CTDP1: variants seen among roughly 807,000 people sequenced by gnomAD.
The protein encoded by CTDP1 is RNA polymerase II subunit A C-terminal domain phosphatase.
A neutral mutation model predicts 91.8 loss-of-function variants in CTDP1; 47 were observed. That is an observed-to-expected ratio of 0.51 (90% CI 0.41 to 0.65). The LOEUF (loss-of-function observed/expected upper bound fraction) is 0.65. CTDP1 is among the 30% of genes least tolerant of loss of function. The pLI is 0.00. For missense variants in CTDP1, 1,272 were observed against 1,373.7 expected (o/e 0.93, Z 1.17); for synonymous variants, 656 against 598.5 (o/e 1.10, Z -1.40).
At chr18:79,711,588 C>T (rs1361563683) in intron 6 of CTDP1, among the ~76,000 whole-genome samples, 2 of 152,208 alleles carry the variant, frequency 1.3e-5, no homozygotes, top group Non-Finnish European at 2.9e-5. Flanking sequence ...ACTGGTTTAG[C>T]GGCAGTTCTT....
At chr18:79,704,696 G>A in intron 4 of CTDP1, 71 bp from the exon 5 acceptor site, 1 of 1,587,390 alleles carries the variant, frequency 6.3e-7, no homozygotes. Context: ...CCTGTCTCGG[G>A]CACACAGGTT....
At chr18:79,739,772 C>T (rs146585806) in intron 12 of CTDP1, among the ~76,000 whole-genome samples, 3 of 149,538 alleles carry the variant, frequency 2.0e-5, no homozygotes, top group African/African-American at 5.1e-5. Flanking sequence ...TCATACCCGC[C>T]GCCAGGACGG....
At chr18:79,727,361 G>A (rs1167914197) in intron 10 of CTDP1, among the ~76,000 whole-genome samples, 5 of 152,150 alleles carry the variant, frequency 3.3e-5, no homozygotes, top group African/African-American at 4.8e-5. Context: ...GATGGGAAGC[G>A]TGGCGTTCAC....
At chr18:79,693,587 C>G (rs2085667832) in intron 1 of CTDP1, among the ~76,000 whole-genome samples, 1 of 152,128 alleles carries the variant, frequency 6.6e-6, no homozygotes, top group Admixed American at 6.5e-5. Flanking sequence ...TGAGTAAACG[C>G]GGAATCCATT....
At chr18:79,680,617 G>A (rs1396067286) in intron 1 of CTDP1, among the ~76,000 whole-genome samples, 1 of 152,228 alleles carries the variant, frequency 6.6e-6, no homozygotes, top group Non-Finnish European at 1.5e-5. Flanking sequence ...GAGTCATCAG[G>A]CAGGCTCCAG....
intron 1 of CTDP1, among the ~76,000 whole-genome samples, chr18:79,689,768 GAGA>G (rs1225598187): frequency 7.2e-5 from 11 of 152,172 alleles, no homozygotes; most frequent in African/African-American, 2.7e-4. Flanking sequence ...GTGACGGAGC[GAGA>G]CTCCGTCACA....
intron 10 of CTDP1, among the ~76,000 whole-genome samples, chr18:79,721,870 C>A (rs1309999842): frequency 2.0e-5 from 3 of 150,868 alleles, no homozygotes; most frequent in African/African-American, 7.3e-5. Context: ...ATCGTCCAGG[C>A]TGGAGTGCAG....
chr18:79,730,132 T>C (rs937586750), intron 11 of CTDP1, among the ~76,000 whole-genome samples: 2 of 152,260 alleles, frequency 1.3e-5, no homozygotes, highest in African/African-American at 4.8e-5. Context: ...AGACCCTTTT[T>C]TGAGGTGTGC....
At chr18:79,714,390 T>G in intron 7 of CTDP1, 101 bp from the exon 8 acceptor site, 1 of 1,363,158 alleles carries the variant, frequency 7.3e-7, no homozygotes, top group Non-Finnish European at 1.0e-6. Flanking sequence ...TAGAGGGTGG[T>G]GGACTTCACA....
chr18:79,748,528 G>A (rs1458935536), intron 12 of CTDP1, among the ~76,000 whole-genome samples: 13 of 152,250 alleles, frequency 8.5e-5, no homozygotes, highest in African/African-American at 2.4e-4. Flanking sequence ...AGTGCGTGGA[G>A]GACGTTTCTC....
intron 12 of CTDP1, among the ~76,000 whole-genome samples, chr18:79,753,286 C>A (rs1248017754): frequency 1.3e-5 from 2 of 152,268 alleles, no homozygotes; most frequent in Admixed American, 6.5e-5. Context: ...TGCTTGTTCA[C>A]ATAACACTAA....
intron 12 of CTDP1, among the ~76,000 whole-genome samples, chr18:79,746,342 GC>G (rs1462283162): frequency 3.6e-4 from 53 of 146,336 alleles, no homozygotes; most frequent in African/African-American, 1.3e-3. Flanking sequence ...CCTCCCGTGC[GC>G]GTTCTGACCC....
At chr18:79,721,253 C>A (rs1307533774) in intron 10 of CTDP1, among the ~76,000 whole-genome samples, 1 of 152,160 alleles carries the variant, frequency 6.6e-6, no homozygotes, top group Non-Finnish European at 1.5e-5. Context: ...GCTACTCTTA[C>A]TTCTTTATTT....
intron 7 of CTDP1, among the ~76,000 whole-genome samples, chr18:79,714,276 C>T (rs1262188316): frequency 6.6e-6 from 1 of 152,092 alleles, no homozygotes; most frequent in African/African-American, 2.4e-5. Flanking sequence ...ACTCCAAACT[C>T]AGAAAAAAAT....
At chr18:79,677,823 A>G (rs2085271894), upstream of CTDP1, 1 of 152,262 alleles carries the variant, frequency 6.6e-6, no homozygotes, top group Non-Finnish European at 1.5e-5. Flanking sequence ...CCAGGGGTTC[A>G]TGGGAATTCT....
At chr18:79,705,071 A>G (rs1233882835) in intron 5 of CTDP1, among the ~76,000 whole-genome samples, 154 bp downstream of exon 5, 2 of 152,124 alleles carry the variant, frequency 1.3e-5, no homozygotes, top group Non-Finnish European at 2.9e-5. Context: ...TGTGAGAGGT[A>G]AGGGAATTCT....
chr18:79,734,524 C>A (rs772119329), intron 11 of CTDP1, among the ~76,000 whole-genome samples: 3 of 152,242 alleles, frequency 2.0e-5, no homozygotes, highest in African/African-American at 7.2e-5. Flanking sequence ...GGGCACGTGC[C>A]GGGCTGCCCT....
chr18:79,716,603 T>C (rs514281), intron 8 of CTDP1, among the ~76,000 whole-genome samples: 115,712 of 151,696 alleles, frequency 0.76, 44,337 homozygotes, highest in Middle Eastern at 0.79. Flanking sequence ...CTCAGGTGCC[T>C]GTCTGCCCTG....
chr18:79,727,542 C>A (rs1042441984), intron 10 of CTDP1, among the ~76,000 whole-genome samples: 1 of 152,204 alleles, frequency 6.6e-6, no homozygotes, highest in African/African-American at 2.4e-5. Flanking sequence ...TCACAGAGGG[C>A]CGCCGTGAAG....
Sources: gnomAD v4.1 joint callset for allele counts (sites outside exome capture counted in the v4.1 genomes callset) on GRCh38, gnomAD v4.1.1 for gene constraint, MANE v1.5 for transcripts, NCBI Gene and HGNC (gene_info 2026-07-23, HGNC 2026-07-21) for gene names.